COMMD1: variants seen among roughly 807,000 people sequenced by gnomAD.
The protein encoded by COMMD1 is COMM domain-containing protein 1.
A neutral mutation model predicts 17.2 loss-of-function variants in COMMD1; 10 were observed. That is an observed-to-expected ratio of 0.58 (90% CI 0.36 to 0.99). COMMD1 has a LOEUF of 0.99. Among genes scored for constraint, COMMD1 ranks in the 50% least tolerant of loss-of-function variants. The pLI, the probability that COMMD1 is intolerant of heterozygous loss-of-function variation, is 0.01. For missense variants in COMMD1, 270 were observed against 231.8 expected (o/e 1.17, Z -1.07); for synonymous variants, 97 against 91.6 (o/e 1.06, Z -0.34).
chr2:61,899,474 A>G (rs577895203), intron 1 of COMMD1, among the ~76,000 whole-genome samples: 1 of 152,174 alleles, frequency 6.6e-6, no homozygotes, highest in Admixed American at 6.5e-5. Context: ...CTTCCATGTC[A>G]TACATTATAT....
chr2:62,009,689 T>A (rs1350610327), intron 2 of COMMD1, among the ~76,000 whole-genome samples: 1 of 151,932 alleles, frequency 6.6e-6, no homozygotes, highest in African/African-American at 2.4e-5. Context: ...GTTAAAAAAA[T>A]CTATGAAAAT....
At chr2:62,049,471 C>T (rs923525123) in intron 2 of COMMD1, among the ~76,000 whole-genome samples, 3 of 152,020 alleles carry the variant, frequency 2.0e-5, no homozygotes, top group African/African-American at 4.8e-5. Flanking sequence ...TGTTTCACCT[C>T]GGGGCATGCT....
At chr2:61,958,165 C>T (rs1671243665) in intron 1 of COMMD1, among the ~76,000 whole-genome samples, 1 of 151,962 alleles carries the variant, frequency 6.6e-6, no homozygotes, top group Admixed American at 6.6e-5. Flanking sequence ...TTTTCCTGAT[C>T]CTCTTTCTCC....
chr2:61,907,256 G>A (rs764050497), intron 1 of COMMD1, among the ~76,000 whole-genome samples: 1 of 152,056 alleles, frequency 6.6e-6, no homozygotes, highest in Non-Finnish European at 1.5e-5. Flanking sequence ...ACAGGCATGC[G>A]CCACCACACC....
chr2:62,113,191 A>T (rs13425020), intron 2 of COMMD1, among the ~76,000 whole-genome samples: 1,889 of 132,678 alleles, frequency 0.014, 29 homozygotes, highest in African/African-American at 0.063. Context: ...CAAAAAAATT[A>T]AAAAAAAAAA....
chr2:62,015,798 T>C (rs1484375105), intron 2 of COMMD1, among the ~76,000 whole-genome samples: 2 of 151,970 alleles, frequency 1.3e-5, no homozygotes, highest in African/African-American at 4.8e-5. Flanking sequence ...ATTAGAGATG[T>C]TGAACATCTT....
intron 2 of COMMD1, among the ~76,000 whole-genome samples, chr2:62,080,220 A>T (rs1476349009): frequency 6.6e-6 from 1 of 152,198 alleles, no homozygotes; most frequent in African/African-American, 2.4e-5. Context: ...TGGGAGGCTA[A>T]GGCAGGAGAA....
intron 1 of COMMD1, among the ~76,000 whole-genome samples, chr2:61,918,900 C>G (rs902144374): frequency 6.6e-6 from 1 of 152,078 alleles, no homozygotes; most frequent in African/African-American, 2.4e-5. Context: ...ATTTGGACTT[C>G]TGTTATGTGG....
chr2:62,014,542 C>CTTTTTTTTTT lies in COMMD1; in HGVS notation c.462+13588_462+13597dup, dbSNP rs67886279. Among the ~76,000 whole-genome samples, 20 of 63,564 alleles carry CTTTTTTTTTT rather than the reference C, an allele frequency of 3.1e-4. 2 individuals carry two copies. The highest frequency in any genetic ancestry group is 1.1e-3 in the African/African-American group (16 of 14,018). The allele number at this position is 63,564 out of a possible 152,430, so 41.7% of individuals were successfully genotyped here. A position where few individuals can be genotyped will look rare whatever the true frequency, so the allele number is the denominator to read the frequency against. ...CATAACAAAATTTTACCATTTTAAC[C>CTTTTTTTTTT]TTTTTTTTTTTTTTTTTTTTTTTTT... On this transcript the variant is annotated intron_variant, in intron 2 of 2. Transcript: ENST00000311832.
chr2:61,962,124 G>T (rs1014357456), intron 1 of COMMD1, among the ~76,000 whole-genome samples: 1 of 152,180 alleles, frequency 6.6e-6, no homozygotes, highest in Admixed American at 6.5e-5. Context: ...ATAGCTGAAG[G>T]CCTACTGAAC....
At chr2:62,060,729 G>A (rs979557478) in intron 2 of COMMD1, among the ~76,000 whole-genome samples, 5 of 152,080 alleles carry the variant, frequency 3.3e-5, no homozygotes, top group Non-Finnish European at 7.4e-5. Context: ...CTTTATTCTT[G>A]ATGGATATTT....
chr2:61,926,743 C>T (rs1670338382), intron 1 of COMMD1, among the ~76,000 whole-genome samples: 1 of 152,088 alleles, frequency 6.6e-6, no homozygotes, highest in Non-Finnish European at 1.5e-5. Context: ...CTAATTGGAG[C>T]TTCACAAGAA....
intron 1 of COMMD1, among the ~76,000 whole-genome samples, chr2:61,983,159 C>A (rs1672001749): frequency 6.8e-6 from 1 of 147,532 alleles, no homozygotes; most frequent in Non-Finnish European, 1.5e-5. Flanking sequence ...GTCCTGGGCT[C>A]TTCTTTGATG....
intron 2 of COMMD1, among the ~76,000 whole-genome samples, chr2:62,132,302 A>G (rs1313754416): frequency 6.6e-6 from 1 of 152,130 alleles, no homozygotes; most frequent in Non-Finnish European, 1.5e-5. Flanking sequence ...CCTACAACAA[A>G]CTAATGATCC....
intron 1 of COMMD1, among the ~76,000 whole-genome samples, chr2:61,933,181 C>A (rs575204368): frequency 6.6e-6 from 1 of 151,814 alleles, no homozygotes; most frequent in East Asian, 1.9e-4. Flanking sequence ...ATTTATCCAT[C>A]GTCTCTGATG....
chr2:62,045,557 T>C (rs1018390015), intron 2 of COMMD1, among the ~76,000 whole-genome samples: 3 of 149,898 alleles, frequency 2.0e-5, no homozygotes, highest in African/African-American at 7.4e-5. Flanking sequence ...ACTTTCCTTC[T>C]TCTTTTTTTT....
intron 1 of COMMD1, among the ~76,000 whole-genome samples, chr2:61,992,190 A>G (rs1180247714): frequency 3.9e-5 from 6 of 152,182 alleles, no homozygotes; most frequent in South Asian, 2.1e-4. Flanking sequence ...TTGGTAGGTA[A>G]GATATTTTAA....
intron 1 of COMMD1, among the ~76,000 whole-genome samples, chr2:61,927,370 T>C (rs1486781087): frequency 6.6e-6 from 1 of 152,196 alleles, no homozygotes; most frequent in African/African-American, 2.4e-5. Flanking sequence ...ATGTGAACTT[T>C]AGCATGGGTG....
chr2:62,122,581 C>T (rs1672780159), intron 2 of COMMD1, among the ~76,000 whole-genome samples: 1 of 152,050 alleles, frequency 6.6e-6, no homozygotes, highest in Non-Finnish European at 1.5e-5. Context: ...ATAGTGATTA[C>T]TCTTGGTTTA....
Sources: allele counts gnomAD v4.1 joint callset (sites outside exome capture counted in the v4.1 genomes callset), GRCh38; gene constraint gnomAD v4.1.1; transcripts MANE v1.5; gene names NCBI Gene and HGNC (gene_info 2026-07-23, HGNC 2026-07-21).